Variants in FN1 observed in about 807,000 individuals in gnomAD.
The protein encoded by FN1 is fibronectin 1.
A neutral mutation model predicts 297.3 loss-of-function variants in FN1; 106 were observed. That is an observed-to-expected ratio of 0.36 (90% CI 0.30 to 0.42). The LOEUF (loss-of-function observed/expected upper bound fraction) is 0.42, where lower values mean the gene tolerates loss of function less well. Ranked by LOEUF, FN1 falls within the 10% of genes least tolerant of loss-of-function variation. FN1 has a pLI of 1.00. For synonymous variants in FN1, 1,149 were observed against 1,152.6 expected, an observed-to-expected ratio of 1.00 and a Z score of 0.06; for missense variants, 2,690 against 3,124.9, an observed-to-expected ratio of 0.86 and a Z score of 3.32.
intron 19 of FN1, 84 bp from the exon 20 acceptor site, chr2:215,404,739 A>G: frequency 7.9e-7 from 1 of 1,272,380 alleles, no homozygotes; most frequent in Non-Finnish European, 1.1e-6. Flanking sequence ...TTGAATGTCT[A>G]AGTTTTCTCT....
At chr2:215,413,320 T>C (rs532292203) in intron 13 of FN1, among the ~76,000 whole-genome samples, 1 of 152,328 alleles carries the variant, frequency 6.6e-6, no homozygotes, top group East Asian at 1.9e-4. Context: ...GGTTTCGCCA[T>C]GTTGGCCAAG....
Position 215,404,546 on chromosome 2 carries a change from G to A in FN1, c.3096C>T (p.Gly1032=). 1 of 1,614,080 alleles carries A rather than the reference G, an allele frequency of 6.2e-7. No homozygotes were observed. Among genetic ancestry groups the A allele is most frequent in the Non-Finnish European group, 8.5e-7 (1 of 1,179,998 alleles). ...GCCTGGGCTGTCCTCTTCGGGTAAG[G>A]CCCACGGTCAGTCGGTATCCTGTTA... ...AQITGYRLTV[G]LTRRGQPRQY... The change falls in exon 20 of 46, where the codon GGC becomes GGT. Residue 1032 remains glycine, a synonymous_variant. Coordinates refer to ENST00000354785, the MANE Select transcript of FN1 (RefSeq NM_212482.4).
intron 35 of FN1, among the ~76,000 whole-genome samples, chr2:215,377,356 C>CCTG (rs1186358261): frequency 2.0e-5 from 3 of 152,060 alleles, no homozygotes; most frequent in Non-Finnish European, 2.9e-5. Context: ...GGAGGTGGGG[C>CCTG]CTGGTGAGAG....
At chr2:215,378,122 T>C (rs2057643754) in intron 35 of FN1, 53 bp downstream of exon 35, 2 of 1,100,716 alleles carry the variant, frequency 1.8e-6, no homozygotes, top group Admixed American at 3.4e-5. Flanking sequence ...TACCATTCTT[T>C]AATTTTTGTC....
chr2:215,383,943 A>G, intron 30 of FN1, 77 bp downstream of exon 30: 1 of 1,520,682 alleles, frequency 6.6e-7, no homozygotes, highest in Non-Finnish European at 9.1e-7. Context: ...ACAATTAGAA[A>G]AATACCTTGG....
At chr2:215,401,265 A>AGGAAGGAAGGAAGGAAGGAAGGAAGGAAG (rs1553629825) in intron 20 of FN1, among the ~76,000 whole-genome samples, 1 of 110,862 alleles carries the variant, frequency 9.0e-6, no homozygotes, top group African/African-American at 3.8e-5. Flanking sequence ...AAAGAAAGGA[A>AGGAAGGAAGGAAGGAAGGAAGGAAGGAAG]GGAAAGGAAA....
At chr2:215,406,578 T>C in intron 18 of FN1, 68 bp from the exon 19 acceptor site, 1 of 1,531,030 alleles carries the variant, frequency 6.5e-7, no homozygotes, top group Non-Finnish European at 8.9e-7. Context: ...AGCCAGTTTC[T>C]TGGATATGTT....
Position 215,436,008 on chromosome 2 carries a change from C to T in FN1, c.-206G>A, listed in dbSNP as rs2067417998. On this transcript the variant is annotated 5_prime_UTR_variant, in exon 1 of 46. Transcript: ENST00000354785. ...CAGAGAAGTTGTGGCTGCAGGTCCC[C>T]TCTTCCCGCTCGCGCCTGGGGTTCC... The T allele has an allele frequency of 8.7e-7, 1 of 1,152,028 alleles. No homozygotes were observed. Among genetic ancestry groups the T allele is most frequent in the South Asian group, 1.7e-5 (1 of 58,206 alleles). The allele number at this position is 1,152,028 out of a possible 1,614,324, so 71.4% of individuals were successfully genotyped here. A position where few individuals can be genotyped will look rare whatever the true frequency, so the allele number is the denominator to read the frequency against.
Position 215,404,503 on chromosome 2 carries a change from A to T in FN1, c.3139T>A (p.Ser1047Thr). Residue 1047 changes from serine (S) to threonine (T), a missense_variant, in exon 20 of 46, where the codon TCT (serine) becomes ACT (threonine). Coordinates refer to ENST00000354785, the MANE Select transcript of FN1 (RefSeq NM_212482.4). ...GQPRQYNVGP[S>T]VSKYPLRNLQ... ...TTCCTCAGTGGGTACTTGGAGACAG[A>T]GGGACCCACATTGTACTGCCTGGGC... 1 of 1,614,108 alleles carries T rather than the reference A, an allele frequency of 6.2e-7. No individual in the cohort carries two copies. The highest frequency in any genetic ancestry group is 8.5e-7 in the Non-Finnish European group (1 of 1,179,996).
chr2:215,413,221 G>T (rs2062934049), intron 13 of FN1, among the ~76,000 whole-genome samples: 1 of 152,166 alleles, frequency 6.6e-6, no homozygotes, highest in African/African-American at 2.4e-5. Context: ...CTGGGTTCAA[G>T]TGATTCTCCT....
At position 215,419,273 on chromosome 2, in the gene FN1, C is replaced by T; in HGVS notation, c.1788G>A (p.Glu596=). 2 of 1,613,970 alleles carry T rather than the reference C, an allele frequency of 1.2e-6. No individual in the cohort carries two copies. Among genetic ancestry groups the T allele is most frequent in the Non-Finnish European group, 1.7e-6 (2 of 1,179,848 alleles). The change falls in exon 12 of 46, where the codon GAG becomes GAA. Residue 596 remains glutamate, a synonymous_variant. Transcript: ENST00000354785. ...AGGTCTGTAAAGGTTGGCAATGCCA[C>T]TCCCCAATGCCACGGCCATAGCAGT... is the stretch of plus-strand genomic sequence containing the variant. The part of the protein sequence containing the change: ...QCYCYGRGIG[E]WHCQPLQTYP...
intron 27 of FN1, 41 bp from the exon 28 acceptor site, chr2:215,386,999 A>C (rs375624622): frequency 6.8e-5 from 107 of 1,568,142 alleles, no homozygotes; most frequent in African/African-American, 4.9e-4. Context: ...AAAAAAAAGA[A>C]AAGACACCAC....
At chr2:215,419,486 G>T in intron 11 of FN1, 101 bp from the exon 12 acceptor site, 1 of 1,018,312 alleles carries the variant, frequency 9.8e-7, no homozygotes. Context: ...ATAGAAATTT[G>T]CAATTGTTCT....
rs1415380372 is a variant in FN1, at chr2:215,433,569, G to T, written c.278-108C>A. 15 of 1,052,062 alleles carry T rather than the reference G, an allele frequency of 1.4e-5. 1 individual carries two copies. In the South Asian group the frequency reaches 1.6e-4, roughly 11 times the overall value. 65.2% of individuals were successfully genotyped at this position (1,052,062 alleles called of 1,614,324 possible). ...ACTTCTCTATTCCACAAGTAACATG[G>T]TACACCTCAAAGAATAAAATGAAGT... On this transcript the variant is annotated intron_variant, in intron 2 of 45. Coordinates refer to ENST00000354785, the MANE Select transcript of FN1 (RefSeq NM_212482.4).
chr2:215,369,930 G>C (rs1447791384), intron 41 of FN1, among the ~76,000 whole-genome samples: 1 of 152,162 alleles, frequency 6.6e-6, no homozygotes, highest in Non-Finnish European at 1.5e-5. Flanking sequence ...CAGCAGCATG[G>C]TGAGATGGAG....
chr2:215,419,267 A>G lies in FN1; in HGVS notation c.1794T>C (p.His598=), dbSNP rs1321802514. 1 of 1,613,922 alleles carries G rather than the reference A, an allele frequency of 6.2e-7. No individual in the cohort carries two copies. The highest frequency in any genetic ancestry group is 1.3e-5 in the African/African-American group (1 of 74,916). ...YCYGRGIGEW[H]CQPLQTYPSS... The stretch of plus-strand genomic sequence containing the variant: ...TTGGATAGGTCTGTAAAGGTTGGCA[A>G]TGCCACTCCCCAATGCCACGGCCAT... The change falls in exon 12 of 46, where the codon CAT becomes CAC. Residue 598 remains histidine (H), a synonymous_variant. Coordinates refer to ENST00000354785, the MANE Select transcript of FN1 (RefSeq NM_212482.4).
At chr2:215,403,372 A>G (rs776699904) in intron 20 of FN1, among the ~76,000 whole-genome samples, 1 of 152,190 alleles carries the variant, frequency 6.6e-6, no homozygotes, top group Non-Finnish European at 1.5e-5. Context: ...TTCCATAGTT[A>G]TTTACAAACT....
At chr2:215,379,429 C>G in intron 33 of FN1, 112 bp from the exon 34 acceptor site, 2 of 883,014 alleles carry the variant, frequency 2.3e-6, no homozygotes, top group Non-Finnish European at 3.7e-6. Flanking sequence ...AGGTGGGTTC[C>G]CTGGTCAAGC....
chr2:215,420,587 CAT>C lies in FN1; in HGVS notation c.1675+84_1675+85del, dbSNP rs2064143951. The C allele has an allele frequency of 4.5e-6, 7 of 1,543,372 alleles. No homozygotes were observed. In the Admixed American group the frequency reaches 8.4e-5, roughly 18 times the overall value. ...ATCAAAGTCTGGAGCCAACTTCAGT[CAT>C]GTGATTTCACATAGCTTTTCTTATC... On this transcript the variant is annotated intron_variant, in intron 11 of 45. Transcript: ENST00000354785.
Sources: gnomAD v4.1 joint callset for allele counts (sites outside exome capture counted in the v4.1 genomes callset) on GRCh38, gnomAD v4.1.1 for gene constraint, MANE v1.5 for transcripts, NCBI Gene and HGNC (gene_info 2026-07-23, HGNC 2026-07-21) for gene names.